Variants in ASH1L observed in about 807,000 individuals in gnomAD.
ASH1L encodes histone-lysine N-methyltransferase ASH1L.
ASH1L carries 23 observed loss-of-function variants against 269.0 expected under a neutral mutation model. The ratio of observed to expected loss-of-function variants is 0.09; its 90% CI spans 0.06 to 0.12. The LOEUF (loss-of-function observed/expected upper bound fraction) is 0.12, where lower values mean the gene tolerates loss of function less well. ASH1L is among the 10% of genes least tolerant of loss of function. The probability of loss-of-function intolerance (pLI) is 1.00; values close to 1 mark genes in which losing one functional copy is unlikely to be tolerated. For synonymous variants in ASH1L, 1,187 were observed against 1,253.5 expected (o/e 0.95, Z 1.12); for missense variants, 2,912 against 3,567.8 (o/e 0.82, Z 4.68).
At position 155,490,579 on chromosome 1, in the gene ASH1L, C is replaced by T. The variant is rs1365834266; in HGVS notation, c.421-8130G>A. ...ATTGCAGTGAGCAAAGATCGCACCA[C>T]GGCACTCCAGTATGGGCTACACAGC... On this transcript the variant is annotated intron_variant, in intron 2 of 27. Transcript: ENST00000392403. Among the ~76,000 whole-genome samples, 3 of 151,102 alleles carry T rather than the reference C, an allele frequency of 2.0e-5. No homozygotes were observed. In the East Asian group the frequency reaches 5.9e-4, roughly 30 times the overall value.
chr1:155,551,068 A>C (rs896089721), intron 1 of ASH1L, among the ~76,000 whole-genome samples: 4 of 151,556 alleles, frequency 2.6e-5, no homozygotes, highest in Non-Finnish European at 5.9e-5. Flanking sequence ...CAATCCCCCC[A>C]CCTCAGCCTC....
At chr1:155,457,420 A>G (rs1366947107) in intron 4 of ASH1L, among the ~76,000 whole-genome samples, 1 of 152,176 alleles carries the variant, frequency 6.6e-6, no homozygotes, top group Non-Finnish European at 1.5e-5. Flanking sequence ...TTCTTCAAAA[A>G]CACTATGCTA....
chr1:155,479,016 G>A lies in ASH1L; in HGVS notation c.3854C>T (p.Pro1285Leu), dbSNP rs760698477. 4 of 1,613,684 alleles carry A rather than the reference G, an allele frequency of 2.5e-6. No homozygotes were observed. The highest frequency in any genetic ancestry group is 1.6e-4 in the Middle Eastern group (1 of 6,062). The change falls in exon 3 of 28, where the codon CCA becomes CTA. Residue 1285 changes from proline to leucine, a missense_variant. Pro to Leu is a moderately conservative substitution (Grantham distance 98). Around this residue, in one of 13 missense-constraint regions of ASH1L, gnomAD observed 789 missense variants for 897.6 expected, o/e 0.88. Transcript: ENST00000392403. The stretch of plus-strand genomic sequence containing the variant: ...TTCCTCCAGCTCTGCAATAAAGTCT[G>A]GATCCTGTCTATTTCGAAGCTGGGG... Reference protein sequence around the residue: ...KYPQLRNRQDPDFIAELEELI... With the variant: ...KYPQLRNRQDLDFIAELEELI...
chr1:155,475,022 T>C (rs1665427155), intron 3 of ASH1L, among the ~76,000 whole-genome samples: 1 of 152,222 alleles, frequency 6.6e-6, no homozygotes, highest in Non-Finnish European at 1.5e-5. Context: ...TGGTCTCTTC[T>C]TTTGCCACAT....
rs1473582985 is a variant in ASH1L at position 155,531,327 on chromosome 1, T to A, written c.-99-9709A>T. ...AATATGTATAACTGCAAAATTTATA[T>A]GTATAAATGAAGAATTTCAGCATTT... On this transcript the variant is annotated intron_variant, in intron 1 of 27. Coordinates refer to ENST00000392403, the MANE Select transcript of ASH1L (RefSeq NM_018489.3). Among the ~76,000 whole-genome samples the A allele has an allele frequency of 2.0e-5, 3 of 152,198 alleles. No individual in the cohort carries two copies. The South Asian group carries it at 6.2e-4, about 32-fold the overall frequency.
chr1:155,509,206 G>A (rs193020950), intron 2 of ASH1L, among the ~76,000 whole-genome samples: 24 of 152,238 alleles, frequency 1.6e-4, no homozygotes, highest in African/African-American at 4.3e-4. Context: ...GTGGCCGGGT[G>A]CCATGGCTCA....
At chr1:155,371,276 G>A (rs1655917877) in intron 10 of ASH1L, among the ~76,000 whole-genome samples, 1 of 152,184 alleles carries the variant, frequency 6.6e-6, no homozygotes, top group Admixed American at 6.6e-5. Context: ...GGCTGGGCAA[G>A]GTGGCTCATG....
At chr1:155,383,464 ATACT>A (rs1429046842) in intron 7 of ASH1L, among the ~76,000 whole-genome samples, 1 of 152,172 alleles carries the variant, frequency 6.6e-6, no homozygotes, top group East Asian at 1.9e-4. Flanking sequence ...AGATATGTAA[ATACT>A]TACCACTGTG....
intron 12 of ASH1L, among the ~76,000 whole-genome samples, chr1:155,367,261 G>C (rs1198574629): frequency 2.6e-5 from 4 of 152,112 alleles, no homozygotes; most frequent in Admixed American, 2.6e-4. Flanking sequence ...CAAAGTGCTG[G>C]GATTATAGGC....
At chr1:155,513,946 C>T (rs780293103) in intron 2 of ASH1L, among the ~76,000 whole-genome samples, 1 of 152,266 alleles carries the variant, frequency 6.6e-6, no homozygotes, top group South Asian at 2.1e-4. Context: ...TATATACATA[C>T]ACTGGAATAT....
chr1:155,475,426 G>A lies in ASH1L; in HGVS notation c.4984+2460C>T, dbSNP rs191438418. On this transcript the variant is annotated intron_variant, in intron 3 of 27. Coordinates refer to ENST00000392403, the MANE Select transcript of ASH1L (RefSeq NM_018489.3). ...TCTGAGATTACAGGCGTGAGCCACCGCGCCTGGACTTCACTGTGGCTTCTC... is the reference window on the plus strand; with the variant it reads ...TCTGAGATTACAGGCGTGAGCCACCACGCCTGGACTTCACTGTGGCTTCTC... Among the ~76,000 whole-genome samples the A allele has an allele frequency of 3.9e-3, 596 of 152,174 alleles. 2 individuals are homozygous for A. Among genetic ancestry groups the A allele is most frequent in the Non-Finnish European group, 6.1e-3 (417 of 67,982 alleles).
At chr1:155,490,633 CACACACACACAT>C (rs1358999243) in intron 2 of ASH1L, among the ~76,000 whole-genome samples, 2 of 150,516 alleles carry the variant, frequency 1.3e-5, no homozygotes, top group African/African-American at 4.9e-5. Context: ...CACACACACA[CACACACACACAT>C]ACACACACAC....
At chr1:155,351,267 T>C (rs1653901129) in intron 17 of ASH1L, among the ~76,000 whole-genome samples, 1 of 143,406 alleles carries the variant, frequency 7.0e-6, no homozygotes, top group African/African-American at 2.6e-5. Flanking sequence ...AAAATTAGTT[T>C]GGCGGGGCAC....
intron 4 of ASH1L, among the ~76,000 whole-genome samples, chr1:155,445,698 ACT>A (rs1439415069): frequency 6.6e-6 from 1 of 152,040 alleles, no homozygotes; most frequent in Non-Finnish European, 1.5e-5. Context: ...GAGTCCACTG[ACT>A]CTACAGAGTG....
chr1:155,386,199 C>A (rs1438468542), intron 7 of ASH1L, among the ~76,000 whole-genome samples: 6 of 151,752 alleles, frequency 4.0e-5, no homozygotes, highest in African/African-American at 1.5e-4. Context: ...TCCCAAGTAG[C>A]TGGGATTACA....
intron 1 of ASH1L, among the ~76,000 whole-genome samples, chr1:155,549,683 G>C (rs1671065739): frequency 6.6e-6 from 1 of 151,144 alleles, no homozygotes; most frequent in Non-Finnish European, 1.5e-5. Flanking sequence ...TTATATCCAA[G>C]TAGTATACCA....
intron 10 of ASH1L, among the ~76,000 whole-genome samples, chr1:155,376,199 A>C (rs1020389336): frequency 8.5e-5 from 13 of 152,208 alleles, no homozygotes; most frequent in African/African-American, 3.1e-4. Flanking sequence ...TATGCAAAAC[A>C]CTATGTGAAC....
intron 7 of ASH1L, among the ~76,000 whole-genome samples, chr1:155,390,929 G>A (rs1269515469): frequency 3.3e-5 from 5 of 149,950 alleles, no homozygotes; most frequent in African/African-American, 1.2e-4. Flanking sequence ...GATTATAGGC[G>A]TGAGCCACCA....
In ASH1L at chr1:155,562,198, G is replaced by C; in HGVS notation, c.-145C>G. The C allele has an allele frequency of 3.7e-6, 6 of 1,608,214 alleles. No individual in the cohort carries two copies. The highest frequency in any genetic ancestry group is 5.1e-6 in the Non-Finnish European group (6 of 1,175,198). ...AGGCCGAGAGCGATGAGAGTGCAGG[G>C]AAGTGGGGAAGAGGGGGTGGCCGCC... On this transcript the variant is annotated 5_prime_UTR_variant, in exon 1 of 28. Transcript: ENST00000392403.
Sources: gnomAD v4.1 joint callset for allele counts (sites outside exome capture counted in the v4.1 genomes callset) on GRCh38, gnomAD v4.1.1 for gene constraint, gnomAD v4.1.1 regional missense constraint, MANE v1.5 for transcripts, NCBI Gene and HGNC (gene_info 2026-07-23, HGNC 2026-07-21) for gene names.